The following GRAMD1A variants were observed in gnomAD, a reference collection of about 807,000 sequenced individuals.
The protein encoded by GRAMD1A is GRAM domain containing 1A.
Under a neutral mutation model 92.0 loss-of-function variants are expected in GRAMD1A, and 50 were observed. That is an observed-to-expected ratio of 0.54 (90% CI 0.43 to 0.69). GRAMD1A has a LOEUF of 0.69. GRAMD1A is among the 30% of genes least tolerant of loss of function. The probability of loss-of-function intolerance (pLI) is 0.00; values close to 1 mark genes in which losing one functional copy is unlikely to be tolerated. For synonymous variants in GRAMD1A, 405 were observed against 403.6 expected (o/e 1.00, Z -0.04); for missense variants, 819 against 978.9 (o/e 0.84, Z 2.18).
At chr19:35,001,671 G>C (rs62122148) in intron 1 of GRAMD1A, among the ~76,000 whole-genome samples, 1 of 151,538 alleles carries the variant, frequency 6.6e-6, no homozygotes, top group African/African-American at 2.4e-5. Flanking sequence ...GCAGTGGCAC[G>C]ATCTCGGCCC....
chr19:35,019,355 G>T (rs554555999), intron 12 of GRAMD1A, 36 bp from the exon 13 acceptor site: 2 of 1,613,176 alleles, frequency 1.2e-6, no homozygotes, highest in Non-Finnish European at 1.7e-6. Context: ...CTGGGTGAGT[G>T]GGGTGGCCCT....
chr19:35,022,771 C>T (rs1240281607), intron 16 of GRAMD1A, 129 bp from the exon 17 acceptor site: 3 of 747,650 alleles, frequency 4.0e-6, no homozygotes, highest in African/African-American at 2.5e-5. Flanking sequence ...CCTCAGCTCT[C>T]AGCTCTCATC....
chr19:35,004,492 T>G (rs746432157), intron 1 of GRAMD1A, among the ~76,000 whole-genome samples: 1 of 152,192 alleles, frequency 6.6e-6, no homozygotes, highest in Non-Finnish European at 1.5e-5. Context: ...CATTGCTTTA[T>G]GGCGTTCACC....
Position 35,022,041 on chromosome 19 carries a change from G to A in GRAMD1A, c.1841+3G>A. The A allele has an allele frequency of 6.2e-7, 1 of 1,609,566 alleles. No individual in the cohort carries two copies. Among genetic ancestry groups the A allele is most frequent in the Non-Finnish European group, 8.5e-7 (1 of 1,176,442 alleles). On this transcript the variant is annotated splice_donor_region_variant and intron_variant, in intron 16 of 19. Coordinates refer to ENST00000317991, the MANE Select transcript of GRAMD1A (RefSeq NM_020895.5). ...GCCCTGGTTCTCATCAGCATTGTGTGAGTAAGAGACAGGAGCAGTGGCCAC... is the reference window on the plus strand; with the variant it reads ...GCCCTGGTTCTCATCAGCATTGTGTAAGTAAGAGACAGGAGCAGTGGCCAC...
Position 35,011,272 on chromosome 19 carries a change from C to T in GRAMD1A, c.526-202C>T, listed in dbSNP as rs114247637. ...CTCCAAGGACAGGGCCAGGGGTCGT[C>T]TCCCCATCCCAGTGATTCTGGAATT... On this transcript the variant is annotated intron_variant, in intron 6 of 19. Transcript: ENST00000317991. Among the ~76,000 whole-genome samples, 1,372 of 152,296 alleles carry T rather than the reference C, an allele frequency of 9.0e-3. 22 individuals carry two copies. Among genetic ancestry groups the T allele is most frequent in the African/African-American group, 0.03 (1,254 of 41,552 alleles).
intron 3 of GRAMD1A, 187 bp downstream of exon 3, chr19:35,009,630 CTCTG>C: frequency 2.9e-6 from 2 of 682,166 alleles, no homozygotes; most frequent in Non-Finnish European, 5.2e-6. Flanking sequence ...CTGGGCCTCT[CTCTG>C]TCCTTGAGAA....
At position 35,019,207 on chromosome 19, in the gene GRAMD1A, C is replaced by G. The variant is rs750747708; in HGVS notation, c.1230C>G (p.Pro410=). ...CTCCTCTAGACGTGACGCTGAGCCC[C>G]TGGAGTGGGGACAGCAAGTGCCACC... ...QCKFTDVTLS[P]WSGDSKCHQR... The change falls in exon 12 of 20, where the codon CCC becomes CCG. Residue 410 remains proline, a synonymous_variant. Transcript: ENST00000317991. 2 of 1,611,650 alleles carry G rather than the reference C, an allele frequency of 1.2e-6. No individual in the cohort carries two copies. Among genetic ancestry groups the G allele is most frequent in the South Asian group, 2.2e-5 (2 of 90,898 alleles).
In GRAMD1A at chr19:35,000,338, T is replaced by G; in HGVS notation, c.-141T>G. 4 of 1,064,948 alleles carry G rather than the reference T, an allele frequency of 3.8e-6. No individual in the cohort carries two copies. Among genetic ancestry groups the G allele is most frequent in the Non-Finnish European group, 4.5e-6 (4 of 883,408 alleles). 66.0% of individuals were successfully genotyped at this position (1,064,948 alleles called of 1,614,324 possible). ...CGGCTCCGGCCTTTTGTGCGGGCGG[T>G]TGGGTCGGGTGGGGGCGGCGGCCGC... On this transcript the variant is annotated 5_prime_UTR_variant, in exon 1 of 20. Coordinates refer to ENST00000317991, the MANE Select transcript of GRAMD1A (RefSeq NM_020895.5). This position sits in a 1 kb window ranked among gnomAD's most constrained non-coding sequence, Gnocchi z 4.9.
At chr19:34,997,978 G>A (rs2014108890), upstream of GRAMD1A, among the ~76,000 whole-genome samples, 1 of 149,862 alleles carries the variant, frequency 6.7e-6, no homozygotes, top group Non-Finnish European at 1.5e-5. Context: ...TGGGGCAAGA[G>A]AATCGCTTGA....
At chr19:35,024,663 C>A (rs2016312654) in intron 19 of GRAMD1A, among the ~76,000 whole-genome samples, 1 of 152,070 alleles carries the variant, frequency 6.6e-6, no homozygotes, top group African/African-American at 2.4e-5. Context: ...GGTCTCATTG[C>A]CCCCCGAAAT....
Position 35,009,985 on chromosome 19 carries a change from C to A in GRAMD1A, c.325+13C>A. The A allele has an allele frequency of 6.3e-7, 1 of 1,590,526 alleles. No homozygotes were observed. The highest frequency in any genetic ancestry group is 8.6e-7 in the Non-Finnish European group (1 of 1,158,446). On this transcript the variant is annotated intron_variant, in intron 4 of 19. Coordinates refer to ENST00000317991, the MANE Select transcript of GRAMD1A (RefSeq NM_020895.5). ...CGCCTCATTGTGGGTGAGTCCCGGA[C>A]CCCCAGTCCCAGCTCCTAGCCCAGC...
At chr19:34,995,362 C>T (rs927556236), upstream of GRAMD1A, among the ~76,000 whole-genome samples, 2 of 152,196 alleles carry the variant, frequency 1.3e-5, no homozygotes, top group Non-Finnish European at 2.9e-5. Flanking sequence ...GTTCCAGCTA[C>T]AGGCAAATGG....
intron 19 of GRAMD1A, 55 bp downstream of exon 19, chr19:35,023,602 T>A: frequency 1.3e-6 from 2 of 1,490,586 alleles, no homozygotes; most frequent in South Asian, 2.6e-5. Flanking sequence ...GGGTCCTGTG[T>A]TGAAACCCCA....
At position 35,023,487 on chromosome 19, in the gene GRAMD1A, C is replaced by T; in HGVS notation, c.2022C>T (p.His674=). The T allele has an allele frequency of 6.3e-7, 1 of 1,587,914 alleles. No homozygotes were observed. The highest frequency in any genetic ancestry group is 8.6e-7 in the Non-Finnish European group (1 of 1,167,380). The change falls in exon 19 of 20, where the codon CAC becomes CAT. Residue 674 remains histidine, a synonymous_variant. Coordinates refer to ENST00000317991, the MANE Select transcript of GRAMD1A (RefSeq NM_020895.5). ...TCCTGGCGCTGCAGAAGCAATTCCACAGCGTGGAGGTGCACAAGTGGAGGC... is the reference window on the plus strand; with the variant it reads ...TCCTGGCGCTGCAGAAGCAATTCCATAGCGTGGAGGTGCACAAGTGGAGGC... The part of the protein sequence containing the change: ...AEILALQKQF[H]SVEVHKWRQI...
rs920169222 is a variant in GRAMD1A at position 35,021,481 on chromosome 19, C to T, written c.1476-21C>T. 1.3e-6 allele frequency: 2 copies of T among 1,581,438 alleles called. No individual in the cohort carries two copies. Among genetic ancestry groups the T allele is most frequent in the Admixed American group, 1.7e-5 (1 of 59,984 alleles). ...GCTGGAGTCAGACCCTTACCTCCTT[C>T]CCCTGATCTCCCAACCCCAGAGTGT... On this transcript the variant is annotated intron_variant, in intron 13 of 19. Transcript: ENST00000317991. This position sits in a 1 kb window ranked among gnomAD's most constrained non-coding sequence, Gnocchi z 5.3.
At chr19:35,009,573 G>C (rs1204352211) in intron 3 of GRAMD1A, 130 bp downstream of exon 3, 1 of 935,958 alleles carries the variant, frequency 1.1e-6, no homozygotes, top group African/African-American at 1.6e-5. Context: ...CACGTTCTAT[G>C]CTATTATTTA....
At chr19:35,012,703 C>T (rs911377539) in intron 7 of GRAMD1A, among the ~76,000 whole-genome samples, 21 of 152,256 alleles carry the variant, frequency 1.4e-4, no homozygotes, top group African/African-American at 5.1e-4. Flanking sequence ...CACGGTGGCT[C>T]ATGCCTGTAA....
At chr19:35,011,868 A>G (rs1472636000) in intron 7 of GRAMD1A, among the ~76,000 whole-genome samples, 2 of 152,140 alleles carry the variant, frequency 1.3e-5, no homozygotes, top group Admixed American at 1.3e-4. Flanking sequence ...GATGCCGGCT[A>G]TGGCTGGTCC....
rs193222907 is a variant in GRAMD1A at position 35,024,706 on chromosome 19, G to A, written c.2082+1159G>A. On this transcript the variant is annotated intron_variant, in intron 19 of 19. Coordinates refer to ENST00000317991, the MANE Select transcript of GRAMD1A (RefSeq NM_020895.5). ...GGGAGAGGCTCACACTGGAAAGGGC[G>A]GGGCAGGATGGGGTGGGGAGGAGAT... 2.6e-5 allele frequency among the ~76,000 whole-genome samples: 4 copies of A among 152,218 alleles called. No homozygotes were observed. The East Asian group carries it at 5.8e-4, about 22-fold the overall frequency.
Sources: allele counts gnomAD v4.1 joint callset (sites outside exome capture counted in the v4.1 genomes callset), GRCh38; gene constraint gnomAD v4.1.1; non-coding constraint Gnocchi (gnomAD v3.1); transcripts MANE v1.5; gene names NCBI Gene and HGNC (gene_info 2026-07-23, HGNC 2026-07-21).